Variants in WDFY3 observed in about 807,000 individuals in gnomAD.
The protein encoded by WDFY3 is WD repeat and FYVE domain containing 3.
A neutral mutation model predicts 409.6 loss-of-function variants in WDFY3; 66 were observed. The ratio of observed to expected loss-of-function variants is 0.16; its 90% confidence interval spans 0.13 to 0.20. The LOEUF (loss-of-function observed/expected upper bound fraction) is 0.20, where lower values mean the gene tolerates loss of function less well. Ranked by LOEUF, WDFY3 falls within the 10% of genes least tolerant of loss-of-function variation. The probability of loss-of-function intolerance (pLI) is 1.00; values close to 1 mark genes in which losing one functional copy is unlikely to be tolerated. For missense variants in WDFY3, 3,031 were observed against 4,298.1 expected (o/e 0.71, Z 8.24); for synonymous variants, 1,521 against 1,537.1 (o/e 0.99, Z 0.25).
intron 49 of WDFY3, among the ~76,000 whole-genome samples, 164 bp downstream of exon 49, chr4:84,716,732 G>A (rs1017921242): frequency 2.0e-4 from 30 of 152,080 alleles, no homozygotes; most frequent in African/African-American, 6.5e-4. Context: ...CCGGGAGGCG[G>A]AGGTTGCAGT....
chr4:84,735,607 C>T (rs2149188460), intron 42 of WDFY3, among the ~76,000 whole-genome samples: 1 of 152,262 alleles, frequency 6.6e-6, no homozygotes, highest in East Asian at 1.9e-4. Context: ...AAGGGCACCC[C>T]CTAATATACA....
At chr4:84,756,829 A>C in intron 33 of WDFY3, 97 bp downstream of exon 33, 1 of 1,274,220 alleles carries the variant, frequency 7.8e-7, no homozygotes, top group East Asian at 2.4e-5. Flanking sequence ...GGGGAAAGTG[A>C]TGGAATTGAC....
intron 3 of WDFY3, among the ~76,000 whole-genome samples, chr4:84,888,313 G>C (rs1340839038): frequency 6.6e-6 from 1 of 152,216 alleles, no homozygotes; most frequent in African/African-American, 2.4e-5. Flanking sequence ...GCCAAGGCGA[G>C]AGGACTGTTT....
intron 3 of WDFY3, among the ~76,000 whole-genome samples, chr4:84,894,941 C>T (rs1175939262): frequency 9.0e-6 from 1 of 110,702 alleles, no homozygotes; most frequent in Non-Finnish European, 1.8e-5. Flanking sequence ...CAGAGTGAGA[C>T]TGTCTCAAAA....
intron 6 of WDFY3, among the ~76,000 whole-genome samples, chr4:84,840,112 A>C (rs1757125544): frequency 6.6e-6 from 1 of 152,202 alleles, no homozygotes; most frequent in Non-Finnish European, 1.5e-5. Flanking sequence ...GACAACAGAC[A>C]TTCCCAAGAT....
chr4:84,789,983 A>C (rs1221422153), intron 21 of WDFY3, 76 bp from the exon 22 acceptor site: 8 of 1,449,930 alleles, frequency 5.5e-6, no homozygotes. Context: ...CTAGATCAGC[A>C]TGTTTTGACT....
intron 2 of WDFY3, among the ~76,000 whole-genome samples, chr4:84,898,450 A>T (rs533778182): frequency 6.6e-6 from 1 of 152,168 alleles, no homozygotes; most frequent in South Asian, 2.1e-4. Context: ...CCAAATAGTT[A>T]CCTCTTTTAA....
chr4:84,709,155 CT>C (rs930490474), intron 52 of WDFY3, 127 bp from the exon 53 acceptor site: 23 of 1,419,774 alleles, frequency 1.6e-5, no homozygotes, highest in Non-Finnish European at 1.9e-5. Context: ...CAATGAAATA[CT>C]TTTTTTTCTA....
At position 84,837,008 on chromosome 4, in the gene WDFY3, A is replaced by G. The variant is rs767983191; in HGVS notation, c.497T>C (p.Val166Ala). 3.1e-6 allele frequency: 5 copies of G among 1,602,884 alleles called. No individual in the cohort carries two copies. In the South Asian group the frequency reaches 5.7e-5, roughly 18 times the overall value. The change falls in exon 7 of 68, where the codon GTG (valine) becomes GCG (alanine). Residue 166 changes from valine (V) to alanine (A), a missense_variant. Val to Ala is a moderately conservative substitution (Grantham distance 64, BLOSUM62 0). Around this residue, in one of 16 missense-constraint regions of WDFY3, gnomAD observed 1,322 missense variants for 1,697.9 expected, o/e 0.78. Coordinates refer to ENST00000295888, the MANE Select transcript of WDFY3 (RefSeq NM_014991.6). ...CLYLFFDLPH[V>A]PEAVGGAQNE... ...CTGTGCACCTCCAACTGCCTCAGGC[A>G]CATGTGGAAGGTCAAAAAACAGATA...
At chr4:84,871,409 A>G (rs900334866) in intron 3 of WDFY3, among the ~76,000 whole-genome samples, 1 of 152,190 alleles carries the variant, frequency 6.6e-6, no homozygotes, top group African/African-American at 2.4e-5. Flanking sequence ...TAGGCATTCT[A>G]TATCTAATAA....
Position 84,831,434 on chromosome 4 carries a change from T to C in WDFY3, c.748A>G (p.Asn250Asp), listed in dbSNP as rs1755723376. 6.2e-7 allele frequency: 1 copy of C among 1,610,358 alleles called. No individual in the cohort carries two copies. Among genetic ancestry groups the C allele is most frequent in the Non-Finnish European group, 8.5e-7 (1 of 1,178,242 alleles). The change falls in exon 8 of 68, where the codon AAT (asparagine) becomes GAT (aspartate). Residue 250 changes from asparagine (N) to aspartate (D), a missense_variant. Around this residue, in one of 16 missense-constraint regions of WDFY3, gnomAD observed 1,322 missense variants for 1,697.9 expected, o/e 0.78. Coordinates refer to ENST00000295888, the MANE Select transcript of WDFY3 (RefSeq NM_014991.6). ...MTISRHGLSV[N>D]VVKYIHEKEC... ...TCACCATGAATATACTTCACTACATTGACACTAAGACCATGACGAGATATG... is the reference window on the plus strand; with the variant it reads ...TCACCATGAATATACTTCACTACATCGACACTAAGACCATGACGAGATATG...
Position 84,733,473 on chromosome 4 carries a change from G to A in WDFY3, c.7130C>T (p.Pro2377Leu). 1 of 1,613,592 alleles carries A rather than the reference G, an allele frequency of 6.2e-7. No homozygotes were observed. Among genetic ancestry groups the A allele is most frequent in the Non-Finnish European group, 8.5e-7 (1 of 1,179,944 alleles). ...DKWMLEMTEG[P>L]CRMRKKMVRN... ...CACCATCTTTTTCCTCATCCTGCAG[G>A]GCCCTTCTGTCATCTCCAGCATCCA... is the stretch of plus-strand genomic sequence containing the variant. The change falls in exon 44 of 68, where the codon CCC becomes CTC. Residue 2377 changes from proline (P) to leucine (L), a missense_variant. Around this residue, in one of 16 missense-constraint regions of WDFY3, gnomAD observed 98 missense variants for 194.9 expected, o/e 0.50. Transcript: ENST00000295888.
chr4:84,933,525 TA>T (rs760932233), intron 1 of WDFY3, among the ~76,000 whole-genome samples: 1 of 152,118 alleles, frequency 6.6e-6, no homozygotes, highest in Admixed American at 6.6e-5. Context: ...AAGCATTTAT[TA>T]TTTTTTTGTG....
In WDFY3 at chr4:84,685,221, C is replaced by G. The variant is rs1728105648; in HGVS notation, c.9544-1096G>C. On this transcript the variant is annotated intron_variant, in intron 62 of 67. Transcript: ENST00000295888. ...GATGGTCAGCAAAAACAGAGGAGAACTAGAAGCTGCAAAGCAGCATCAACA... is the reference window on the plus strand; with the variant it reads ...GATGGTCAGCAAAAACAGAGGAGAAGTAGAAGCTGCAAAGCAGCATCAACA... 3.3e-5 allele frequency among the ~76,000 whole-genome samples: 5 copies of G among 152,154 alleles called. No individual in the cohort carries two copies. In the South Asian group the frequency reaches 1.0e-3, roughly 32 times the overall value.
Position 84,760,977 on chromosome 4 carries a change from A to G in WDFY3, c.5189-3816T>C, listed in dbSNP as rs532625464. ...AATTTCCCTCTACACACTGCTTTGAATGTGTCCCAGAGATTCTGGTATGTT... is the reference window on the plus strand; with the variant it reads ...AATTTCCCTCTACACACTGCTTTGAGTGTGTCCCAGAGATTCTGGTATGTT... On this transcript the variant is annotated intron_variant, in intron 32 of 67. Transcript: ENST00000295888. Among the ~76,000 whole-genome samples, 4 of 149,430 alleles carry G rather than the reference A, an allele frequency of 2.7e-5. No homozygotes were observed. The East Asian group carries it at 7.9e-4, about 29-fold the overall frequency.
intron 27 of WDFY3, among the ~76,000 whole-genome samples, chr4:84,776,529 C>G (rs936973193): frequency 6.6e-6 from 1 of 151,952 alleles, no homozygotes; most frequent in Non-Finnish European, 1.5e-5. Context: ...GTGTCAGTTA[C>G]CAGGTGAAAA....
intron 1 of WDFY3, among the ~76,000 whole-genome samples, chr4:84,948,827 G>C (rs1172872447): frequency 6.6e-6 from 1 of 152,036 alleles, no homozygotes; most frequent in African/African-American, 2.4e-5. Context: ...CCAATCCCAA[G>C]GACTGATAGC....
At chr4:84,918,575 T>G (rs2150826176) in intron 2 of WDFY3, among the ~76,000 whole-genome samples, 1 of 152,208 alleles carries the variant, frequency 6.6e-6, no homozygotes, top group African/African-American at 2.4e-5. Flanking sequence ...AGCATGTTGT[T>G]TTTGTTTTTA....
intron 1 of WDFY3, among the ~76,000 whole-genome samples, chr4:84,957,112 C>T (rs1325447686): frequency 6.6e-6 from 1 of 151,504 alleles, no homozygotes; most frequent in Non-Finnish European, 1.5e-5. Context: ...AACCAAGGCC[C>T]AACTCAGTCA....
Sources: allele counts gnomAD v4.1 joint callset (sites outside exome capture counted in the v4.1 genomes callset), GRCh38; gene constraint gnomAD v4.1.1; regional missense constraint gnomAD v4.1.1; transcripts MANE v1.5; gene names NCBI Gene and HGNC (gene_info 2026-07-23, HGNC 2026-07-21).